COL23A1: variants seen among roughly 807,000 people sequenced by gnomAD.
COL23A1 encodes collagen alpha-1(XXIII) chain.
In COL23A1, 97 loss-of-function variants were observed where a neutral mutation model predicts 99.3. The ratio of observed to expected loss-of-function variants is 0.98; its 90% CI spans 0.83 to 1.16. The LOEUF is 1.16. Among genes scored for constraint, COL23A1 ranks in the 50% most tolerant of loss-of-function variants. The probability of loss-of-function intolerance (pLI) is 0.00; values close to 1 mark genes in which losing one functional copy is unlikely to be tolerated. For missense variants in COL23A1, 762 were observed against 757.4 expected (o/e 1.01, Z -0.07); for synonymous variants, 320 against 308.2 (o/e 1.04, Z -0.40).
intron 2 of COL23A1, among the ~76,000 whole-genome samples, chr5:178,514,310 T>G (rs1220528327): frequency 6.6e-6 from 1 of 152,228 alleles, no homozygotes; most frequent in Non-Finnish European, 1.5e-5. Context: ...TTATCCCTTC[T>G]TCCATCAACG....
In COL23A1 at chr5:178,256,926, G is replaced by A. The variant is rs372681602; in HGVS notation, c.777C>T (p.Gly259=). 86 of 1,613,300 alleles carry A rather than the reference G, an allele frequency of 5.3e-5. No homozygotes were observed. Among genetic ancestry groups the A allele is most frequent in the Middle Eastern group, 1.7e-4 (1 of 6,060 alleles). The change falls in exon 14 of 29, where the codon GGC becomes GGT. Residue 259 remains glycine, a splice_region_variant and synonymous_variant. Transcript: ENST00000390654. ...CCCGAGGCCCCATGCTCCCTGGCTC[G>A]CCCTGAAACAGACACAGCTGCAGTG... ...PSQPGPPGPK[G]EPGSMGPRGE...
chr5:178,278,976 T>C (rs1756744158), intron 5 of COL23A1, among the ~76,000 whole-genome samples: 1 of 152,154 alleles, frequency 6.6e-6, no homozygotes, highest in African/African-American at 2.4e-5. Flanking sequence ...CCTATCTAGA[T>C]GTCACTGGCC....
At chr5:178,475,760 T>C (rs1756993780) in intron 2 of COL23A1, among the ~76,000 whole-genome samples, 1 of 152,200 alleles carries the variant, frequency 6.6e-6, no homozygotes, top group Non-Finnish European at 1.5e-5. Context: ...TTTCAAGCTT[T>C]TGTGGCTGTT....
chr5:178,288,624 T>A (rs896431925), intron 4 of COL23A1: 1 of 576,366 alleles, frequency 1.7e-6, no homozygotes, highest in East Asian at 2.9e-5. Flanking sequence ...TGGCCAGGCA[T>A]AGGGTAAATG....
chr5:178,582,785 C>T (rs1763731152), intron 1 of COL23A1, among the ~76,000 whole-genome samples: 1 of 152,198 alleles, frequency 6.6e-6, no homozygotes, highest in Admixed American at 6.5e-5. Flanking sequence ...CCAGACTCCC[C>T]AACCAGGCCA....
chr5:178,355,350 CA>C (rs1761578987), intron 2 of COL23A1, among the ~76,000 whole-genome samples: 1 of 152,140 alleles, frequency 6.6e-6, no homozygotes, highest in African/African-American at 2.4e-5. Context: ...TGGGTATCTG[CA>C]GGGGGGTCCT....
Position 178,544,550 on chromosome 5 carries a change from G to A in COL23A1, c.361+16132C>T, listed in dbSNP as rs1761476793. ...CCCGCTGTGAGTACTCTGAGGCCCA[G>A]AGGTACAGCTAGGAAGCATGTCCCT... On this transcript the variant is annotated intron_variant, in intron 2 of 28. Transcript: ENST00000390654. This position sits in a 1 kb window ranked among gnomAD's most constrained non-coding sequence, Gnocchi z 4.4. Among the ~76,000 whole-genome samples, 1 of 152,158 alleles carries A rather than the reference G, an allele frequency of 6.6e-6. No homozygotes were observed. The highest frequency in any genetic ancestry group is 2.4e-5 in the African/African-American group (1 of 41,424).
intron 2 of COL23A1, among the ~76,000 whole-genome samples, chr5:178,500,462 G>A (rs759481187): frequency 7.4e-4 from 107 of 144,388 alleles, no homozygotes; most frequent in Non-Finnish European, 1.2e-3. Flanking sequence ...TTAATTAGCC[G>A]AGTACTGTGG....
intron 2 of COL23A1, among the ~76,000 whole-genome samples, chr5:178,553,754 C>T (rs1280577509): frequency 6.6e-6 from 1 of 152,172 alleles, no homozygotes; most frequent in Non-Finnish European, 1.5e-5. Flanking sequence ...ACTCCAGCAT[C>T]GCCAGCATCT....
At chr5:178,258,369 G>A (rs1554126977) in intron 12 of COL23A1, among the ~76,000 whole-genome samples, 1 of 148,374 alleles carries the variant, frequency 6.7e-6, no homozygotes, top group Non-Finnish European at 1.5e-5. Context: ...GGTGGCCAGG[G>A]AAGGTCTCCT....
chr5:178,537,393 G>A (rs1761031926), intron 2 of COL23A1, among the ~76,000 whole-genome samples: 1 of 152,238 alleles, frequency 6.6e-6, no homozygotes, highest in African/African-American at 2.4e-5. Flanking sequence ...CTCACAGATG[G>A]GGAAACCGAG....
intron 1 of COL23A1, among the ~76,000 whole-genome samples, chr5:178,575,931 A>G (rs1315491026): frequency 6.6e-6 from 1 of 152,232 alleles, no homozygotes; most frequent in Non-Finnish European, 1.5e-5. Context: ...CTACTTCACA[A>G]TCTTCCAAGC....
chr5:178,247,907 C>A, intron 20 of COL23A1, 76 bp from the exon 21 acceptor site: 1 of 1,301,290 alleles, frequency 7.7e-7, no homozygotes, highest in Non-Finnish European at 1.1e-6. Flanking sequence ...TCATCGCACA[C>A]TGCTGGATCG....
chr5:178,246,664 C>G (rs912471300), intron 22 of COL23A1, among the ~76,000 whole-genome samples: 1 of 150,862 alleles, frequency 6.6e-6, no homozygotes, highest in Non-Finnish European at 1.5e-5. Context: ...CTCCCTCAGC[C>G]CCATGGAAGG....
intron 3 of COL23A1, among the ~76,000 whole-genome samples, chr5:178,301,740 G>A (rs754753594): frequency 1.3e-5 from 2 of 152,160 alleles, no homozygotes; most frequent in Admixed American, 6.5e-5. Context: ...TTGATCCAAC[G>A]TCTCCCACTC....
intron 2 of COL23A1, among the ~76,000 whole-genome samples, chr5:178,504,891 T>C (rs1342145652): frequency 6.6e-6 from 1 of 152,196 alleles, no homozygotes; most frequent in Non-Finnish European, 1.5e-5. Context: ...GTGAGGATTC[T>C]GAAGTGTTGG....
rs1766054688 is a variant in COL23A1 at position 178,428,190 on chromosome 5, C to A, written c.362-121271G>T. Among the ~76,000 whole-genome samples, 1 of 152,230 alleles carries A rather than the reference C, an allele frequency of 6.6e-6. No homozygotes were observed. ...AGAACGAGGAATCCAAAGTCCTGAG[C>A]AATCGTGTCCCCTTAGGTGACCAAG... On this transcript the variant is annotated intron_variant, in intron 2 of 28. Transcript: ENST00000390654. The surrounding 1 kb of genome is among the most constrained non-coding windows in gnomAD (Gnocchi z 5.0).
At chr5:178,339,906 G>A (rs909494846) in intron 2 of COL23A1, among the ~76,000 whole-genome samples, 3 of 152,162 alleles carry the variant, frequency 2.0e-5, no homozygotes, top group Non-Finnish European at 4.4e-5. Flanking sequence ...GAGTGATTTG[G>A]AACATGTACA....
intron 2 of COL23A1, among the ~76,000 whole-genome samples, chr5:178,526,947 C>T (rs923159559): frequency 1.2e-4 from 18 of 152,238 alleles, no homozygotes; most frequent in South Asian, 4.1e-4. Context: ...TCCAAAAAGA[C>T]GGCCTCCTTT....
Sources: gnomAD v4.1 joint callset for allele counts (sites outside exome capture counted in the v4.1 genomes callset) on GRCh38, gnomAD v4.1.1 for gene constraint, Gnocchi (gnomAD v3.1) non-coding constraint, MANE v1.5 for transcripts, NCBI Gene and HGNC (gene_info 2026-07-23, HGNC 2026-07-21) for gene names.